The following RBMS1 variants were observed in gnomAD, a reference collection of about 807,000 sequenced individuals.
The protein encoded by RBMS1 is RNA binding motif single stranded interacting protein 1.
RBMS1 carries 17 observed loss-of-function variants against 62.3 expected under a neutral mutation model. That is an observed-to-expected ratio of 0.27 (90% CI 0.19 to 0.41). The LOEUF is 0.41. Among genes scored for constraint, RBMS1 ranks in the 10% least tolerant of loss-of-function variants. The pLI is 1.00. For synonymous variants in RBMS1, 172 were observed against 170.0 expected (o/e 1.01, Z -0.09); for missense variants, 334 against 504.5 (o/e 0.66, Z 3.24).
At chr2:160,452,771 C>T (rs1397438093) in intron 1 of RBMS1, among the ~76,000 whole-genome samples, 2 of 152,176 alleles carry the variant, frequency 1.3e-5, no homozygotes, top group Non-Finnish European at 2.9e-5. Context: ...GACGTACTAC[C>T]TGCTCTCACA....
intron 1 of RBMS1, among the ~76,000 whole-genome samples, chr2:160,482,225 T>C (rs141924950): frequency 8.7e-4 from 132 of 152,210 alleles, no homozygotes; most frequent in African/African-American, 3.1e-3. Flanking sequence ...ACATACAATA[T>C]GGTTTCATCT....
chr2:160,298,957 G>A (rs1348171407), intron 6 of RBMS1, among the ~76,000 whole-genome samples: 1 of 151,478 alleles, frequency 6.6e-6, no homozygotes, highest in Non-Finnish European at 1.5e-5. Flanking sequence ...GCCTGAAACA[G>A]ATCCCTCATA....
intron 2 of RBMS1, among the ~76,000 whole-genome samples, chr2:160,350,963 C>A (rs1182361575): frequency 6.6e-6 from 1 of 152,074 alleles, no homozygotes; most frequent in Non-Finnish European, 1.5e-5. Flanking sequence ...AGTTTACAGT[C>A]CCACCAACAG....
chr2:160,412,229 A>G (rs1696065110), intron 1 of RBMS1, among the ~76,000 whole-genome samples: 2 of 152,234 alleles, frequency 1.3e-5, no homozygotes, highest in South Asian at 4.1e-4. Flanking sequence ...CTGCCACTTA[A>G]AAGAGCTCAT....
chr2:160,291,780 C>G (rs1382491527), intron 6 of RBMS1, among the ~76,000 whole-genome samples: 1 of 152,120 alleles, frequency 6.6e-6, no homozygotes, highest in African/African-American at 2.4e-5. Flanking sequence ...TTGAAATTCT[C>G]CTTCACCTCA....
intron 2 of RBMS1, among the ~76,000 whole-genome samples, chr2:160,328,662 C>T (rs746377086): frequency 9.2e-5 from 14 of 152,088 alleles, no homozygotes; most frequent in East Asian, 1.9e-4. Context: ...ACCCTCCCCC[C>T]GCCCCCAACA....
chr2:160,404,684 G>C (rs990008256), intron 1 of RBMS1, among the ~76,000 whole-genome samples: 1 of 152,158 alleles, frequency 6.6e-6, no homozygotes, highest in Non-Finnish European at 1.5e-5. Context: ...AATGTAGAAA[G>C]CTTTAAGAGT....
chr2:160,416,207 G>C (rs929557594), intron 1 of RBMS1: 1 of 150,992 alleles, frequency 6.6e-6, no homozygotes, highest in Non-Finnish European at 1.5e-5. Flanking sequence ...CCATGACAAT[G>C]TGACTGATCA....
chr2:160,334,559 T>C (rs1184220636), intron 2 of RBMS1, among the ~76,000 whole-genome samples: 2 of 152,160 alleles, frequency 1.3e-5, no homozygotes, highest in Non-Finnish European at 2.9e-5. Flanking sequence ...AGGTCCTCAG[T>C]AACGAGTCTG....
At chr2:160,461,723 C>G (rs1684473256) in intron 1 of RBMS1, among the ~76,000 whole-genome samples, 1 of 152,246 alleles carries the variant, frequency 6.6e-6, no homozygotes, top group Non-Finnish European at 1.5e-5. Flanking sequence ...GCTCTGTACT[C>G]CATTTGGCTC....
intron 6 of RBMS1, among the ~76,000 whole-genome samples, chr2:160,295,020 G>GAAAAAAA (rs80278281): frequency 8.3e-6 from 1 of 120,250 alleles, no homozygotes. Context: ...ATGTATACAA[G>GAAAAAAA]AAAAAAAAAA....
chr2:160,345,759 T>C (rs1400609307), intron 2 of RBMS1, among the ~76,000 whole-genome samples: 1 of 152,180 alleles, frequency 6.6e-6, no homozygotes. Context: ...GTGCTTGTTC[T>C]GATTGGCTAG....
intron 1 of RBMS1, chr2:160,407,931 G>C (rs1442598073): frequency 6.1e-6 from 6 of 979,858 alleles, no homozygotes; most frequent in Non-Finnish European, 7.2e-6. Context: ...GGGCGGGGAG[G>C]CGGCAGCGCA....
At chr2:160,420,257 T>C (rs538445131) in intron 1 of RBMS1, among the ~76,000 whole-genome samples, 2 of 152,260 alleles carry the variant, frequency 1.3e-5, no homozygotes, top group East Asian at 3.9e-4. Context: ...CCAGCTACTA[T>C]TTGTGTCTTG....
At chr2:160,473,596 A>G (rs1403198847) in intron 1 of RBMS1, among the ~76,000 whole-genome samples, 4 of 152,212 alleles carry the variant, frequency 2.6e-5, no homozygotes, top group Non-Finnish European at 5.9e-5. Context: ...TTCAAAGGAC[A>G]TTGTTTATAC....
intron 2 of RBMS1, among the ~76,000 whole-genome samples, chr2:160,333,391 A>T (rs186571912): frequency 6.6e-6 from 1 of 152,198 alleles, no homozygotes; most frequent in African/African-American, 2.4e-5. Context: ...TCAGAGCTCA[A>T]CTTATCAAAA....
intron 6 of RBMS1, among the ~76,000 whole-genome samples, chr2:160,294,707 C>A (rs1176880673): frequency 2.6e-5 from 4 of 152,230 alleles, no homozygotes. Context: ...TGACAGGAAT[C>A]ATCCCAGATA....
At chr2:160,481,006 G>C (rs1369341824) in intron 1 of RBMS1, among the ~76,000 whole-genome samples, 1 of 150,892 alleles carries the variant, frequency 6.6e-6, no homozygotes. Context: ...GCCTGAACCT[G>C]GGAGGCAGAG....
intron 1 of RBMS1, among the ~76,000 whole-genome samples, chr2:160,466,571 C>A (rs765452789): frequency 7.2e-5 from 11 of 152,146 alleles, no homozygotes; most frequent in Non-Finnish European, 1.6e-4. Flanking sequence ...CCAACATGTA[C>A]ACAACACACA....
Sources: allele counts gnomAD v4.1 joint callset (sites outside exome capture counted in the v4.1 genomes callset), GRCh38; gene constraint gnomAD v4.1.1; transcripts MANE v1.5; gene names NCBI Gene and HGNC (gene_info 2026-07-23, HGNC 2026-07-21).